Variants in TMCC3 observed in about 807,000 individuals in gnomAD.
The protein encoded by TMCC3 is transmembrane and coiled-coil domain family 3.
Under a neutral mutation model 40.2 loss-of-function variants are expected in TMCC3, and 28 were observed. The ratio of observed to expected loss-of-function variants is 0.70; its 90% CI spans 0.52 to 0.95. The LOEUF (loss-of-function observed/expected upper bound fraction) is 0.95. Ranked by LOEUF, TMCC3 falls within the 40% of genes least tolerant of loss-of-function variation. TMCC3 has a pLI of 0.00. For missense variants in TMCC3, 554 were observed against 615.2 expected, an observed-to-expected ratio of 0.90 and a Z score of 1.05; for synonymous variants, 255 against 248.5, an observed-to-expected ratio of 1.03 and a Z score of -0.25.
chr12:94,571,126 C>T lies in TMCC3; in HGVS notation c.*309G>A, dbSNP rs766214977. The T allele has an allele frequency of 9.7e-6, 3 of 310,264 alleles. No individual in the cohort carries two copies. Among genetic ancestry groups the T allele is most frequent in the Non-Finnish European group, 1.8e-5 (3 of 167,004 alleles). 19.2% of individuals were successfully genotyped at this position (310,264 alleles called of 1,614,324 possible). A position where few individuals can be genotyped will look rare whatever the true frequency, so the allele number is the denominator to read the frequency against. On this transcript the variant is annotated 3_prime_UTR_variant, in exon 4 of 4. Coordinates refer to ENST00000261226, the MANE Select transcript of TMCC3 (RefSeq NM_020698.4). The stretch of plus-strand genomic sequence containing the variant: ...GGAGAGAGACCTCTTTCTTCAGGAT[C>T]ACCAATTATGCCAAGGTCTCAATAT...
intron 1 of TMCC3, among the ~76,000 whole-genome samples, chr12:94,597,365 A>T (rs2068724704): frequency 1.3e-5 from 2 of 151,940 alleles, no homozygotes; most frequent in Admixed American, 1.3e-4. Flanking sequence ...CAGAATATGC[A>T]GGTATGATCC....
intron 3 of TMCC3, among the ~76,000 whole-genome samples, chr12:94,575,348 G>T (rs1012924882): frequency 6.6e-6 from 1 of 152,214 alleles, no homozygotes; most frequent in Non-Finnish European, 1.5e-5. Context: ...GCCAGGCAAA[G>T]ATTTCAATAC....
chr12:94,624,599 A>C (rs2068893252), intron 1 of TMCC3, among the ~76,000 whole-genome samples: 1 of 152,132 alleles, frequency 6.6e-6, no homozygotes, highest in Admixed American at 6.5e-5. Context: ...CTGTAGTCCC[A>C]GCTACTCAGG....
At chr12:94,592,865 C>G (rs903911494) in intron 1 of TMCC3, among the ~76,000 whole-genome samples, 1 of 151,734 alleles carries the variant, frequency 6.6e-6, no homozygotes, top group African/African-American at 2.4e-5. Flanking sequence ...CTTCAAGCAT[C>G]CTCAAGCACT....
At chr12:94,623,845 T>C (rs1052201123) in intron 1 of TMCC3, among the ~76,000 whole-genome samples, 1 of 152,188 alleles carries the variant, frequency 6.6e-6, no homozygotes, top group Non-Finnish European at 1.5e-5. Flanking sequence ...TGCAGTACCA[T>C]CGGCAAAGTA....
Position 94,625,654 on chromosome 12 carries a change from T to C in TMCC3, c.78+24699A>G, listed in dbSNP as rs145941170. Among the ~76,000 whole-genome samples the C allele has an allele frequency of 2.7e-5, 4 of 150,208 alleles. No homozygotes were observed. In the East Asian group the frequency reaches 7.8e-4, roughly 29 times the overall value. On this transcript the variant is annotated intron_variant, in intron 1 of 3. Coordinates refer to ENST00000261226, the MANE Select transcript of TMCC3 (RefSeq NM_020698.4). ...TCCAGAAGGGCAAATAGTCTCACCG[T>C]GAACGAAGGTGTCACCACACACAAT... is the stretch of plus-strand genomic sequence containing the variant.
In TMCC3 at chr12:94,568,063, T is replaced by C. The variant is rs1156234177; in HGVS notation, c.*3372A>G. The C allele has an allele frequency of 6.6e-6, 1 of 152,106 alleles. No homozygotes were observed. The highest frequency in any genetic ancestry group is 2.4e-5 in the African/African-American group (1 of 41,422). 9.4% of individuals were successfully genotyped at this position (152,106 alleles called of 1,614,324 possible). A position where few individuals can be genotyped will look rare whatever the true frequency, so the allele number is the denominator to read the frequency against. On this transcript the variant is annotated 3_prime_UTR_variant, in exon 4 of 4. Coordinates refer to ENST00000261226, the MANE Select transcript of TMCC3 (RefSeq NM_020698.4). ...AGAGCGAAAACCACATGAATGCTAA[T>C]TGACAGAGAAGGATAACAGCCTCAC...
At chr12:94,591,083 T>C (rs2068672152) in intron 1 of TMCC3, 1 of 498,460 alleles carries the variant, frequency 2.0e-6, no homozygotes, top group Non-Finnish European at 4.0e-6. Flanking sequence ...CTCTTTGTCC[T>C]GGGAGATGGT....
At chr12:94,608,846 G>A (rs552370665) in intron 1 of TMCC3, among the ~76,000 whole-genome samples, 48 of 152,214 alleles carry the variant, frequency 3.2e-4, no homozygotes, top group Middle Eastern at 3.4e-3. Context: ...TCTACTCTGC[G>A]CCTGTATGTG....
At position 94,619,045 on chromosome 12, in the gene TMCC3, G is replaced by A. The variant is rs145976947; in HGVS notation, c.78+31308C>T. ...TGAGTTATTCCTCAGACACTGACGA[G>A]AGGTGCAGAGTCTCAGGGAGAGACT... On this transcript the variant is annotated intron_variant, in intron 1 of 3. Transcript: ENST00000261226. Among the ~76,000 whole-genome samples the A allele has an allele frequency of 9.3e-3, 1,419 of 152,328 alleles. 8 individuals carry two copies. The highest frequency in any genetic ancestry group is 0.015 in the Non-Finnish European group (1,024 of 68,038).
At chr12:94,609,130 A>G (rs572181362) in intron 1 of TMCC3, among the ~76,000 whole-genome samples, 8 of 152,224 alleles carry the variant, frequency 5.3e-5, no homozygotes, top group African/African-American at 1.9e-4. Flanking sequence ...CAGAAGGCTC[A>G]GGCAGGAAGA....
At chr12:94,589,498 T>A (rs2068659084) in intron 1 of TMCC3, among the ~76,000 whole-genome samples, 1 of 149,926 alleles carries the variant, frequency 6.7e-6, no homozygotes. Flanking sequence ...TCCTATTACA[T>A]GCCCACGAGG....
chr12:94,593,594 C>A lies in TMCC3; in HGVS notation c.79-11056G>T, dbSNP rs140204117. ...GGCCCAGTCCTTTCTCCAGACACTG[C>A]AAATTAATAGTGTAAAGGAGATTAG... On this transcript the variant is annotated intron_variant, in intron 1 of 3. Coordinates refer to ENST00000261226, the MANE Select transcript of TMCC3 (RefSeq NM_020698.4). Among the ~76,000 whole-genome samples the A allele has an allele frequency of 7.7e-3, 1,173 of 151,518 alleles. 6 individuals are homozygous for A. Among genetic ancestry groups the A allele is most frequent in the Non-Finnish European group, 0.011 (769 of 67,874 alleles).
intron 1 of TMCC3, among the ~76,000 whole-genome samples, chr12:94,590,570 A>C (rs930972841): frequency 6.6e-6 from 1 of 152,174 alleles, no homozygotes; most frequent in Non-Finnish European, 1.5e-5. Flanking sequence ...CATGTGGGAA[A>C]AGGCAAACAG....
At chr12:94,612,599 G>A (rs1016646945) in intron 1 of TMCC3, among the ~76,000 whole-genome samples, 3 of 152,126 alleles carry the variant, frequency 2.0e-5, no homozygotes, top group African/African-American at 7.2e-5. Context: ...GTGAGCCACC[G>A]CACCTGGCCT....
At chr12:94,595,754 GCA>G (rs1280526979) in intron 1 of TMCC3, among the ~76,000 whole-genome samples, 1 of 152,062 alleles carries the variant, frequency 6.6e-6, no homozygotes, top group Non-Finnish European at 1.5e-5. Flanking sequence ...AGCTAATTTT[GCA>G]CAGTTTTATT....
At chr12:94,640,533 T>C (rs975021398) in intron 1 of TMCC3, among the ~76,000 whole-genome samples, 1 of 152,120 alleles carries the variant, frequency 6.6e-6, no homozygotes, top group East Asian at 1.9e-4. Context: ...TCAGAAGATA[T>C]ATAGCTAGAA....
rs1290910 is a variant in TMCC3 at position 94,571,282 on chromosome 12, G to A, written c.*153C>T. 8 of 775,574 alleles carry A rather than the reference G, an allele frequency of 1.0e-5. No individual in the cohort carries two copies. Among genetic ancestry groups the A allele is most frequent in the Admixed American group, 2.9e-5 (1 of 34,980 alleles). The allele number at this position is 775,574 out of a possible 1,614,324, so 48.0% of individuals were successfully genotyped here. The stretch of plus-strand genomic sequence containing the variant: ...CAAGGACTGAGTTGGCAACTGCTAC[G>A]GAGTTAAGAGAATTGTAGTTATTTA... On this transcript the variant is annotated 3_prime_UTR_variant, in exon 4 of 4. Transcript: ENST00000261226.
chr12:94,627,403 T>C (rs530118063), intron 1 of TMCC3, among the ~76,000 whole-genome samples: 34 of 152,282 alleles, frequency 2.2e-4, no homozygotes, highest in African/African-American at 7.5e-4. Context: ...GCCACTCTCA[T>C]CACTCCTACA....
Sources: gnomAD v4.1 joint callset for allele counts (sites outside exome capture counted in the v4.1 genomes callset) on GRCh38, gnomAD v4.1.1 for gene constraint, MANE v1.5 for transcripts, NCBI Gene and HGNC (gene_info 2026-07-23, HGNC 2026-07-21) for gene names.